PELI2: variants seen among roughly 807,000 people sequenced by gnomAD.
PELI2 encodes pellino E3 ubiquitin protein ligase family member 2, also known as E3 ubiquitin-protein ligase pellino homolog 2.
PELI2 carries 23 observed loss-of-function variants against 42.3 expected under a neutral mutation model. That is an observed-to-expected ratio of 0.54 (90% CI 0.39 to 0.77). PELI2 has a LOEUF of 0.77. PELI2 is among the 30% of genes least tolerant of loss of function. PELI2 has a pLI of 0.00. For synonymous variants in PELI2, 245 were observed against 212.2 expected, an observed-to-expected ratio of 1.15 and a Z score of -1.34; for missense variants, 463 against 553.2, an observed-to-expected ratio of 0.84 and a Z score of 1.64.
At chr14:56,161,733 T>A (rs1164871726) in intron 1 of PELI2, among the ~76,000 whole-genome samples, 1 of 152,068 alleles carries the variant, frequency 6.6e-6, no homozygotes, top group Non-Finnish European at 1.5e-5. Flanking sequence ...CATATATATA[T>A]ATTTTTTTTC....
chr14:56,204,530 T>C (rs1886446371), intron 2 of PELI2, among the ~76,000 whole-genome samples: 1 of 152,128 alleles, frequency 6.6e-6, no homozygotes, highest in African/African-American at 2.4e-5. Flanking sequence ...GTTTGCGGTA[T>C]GATGAATTTG....
chr14:56,160,007 C>G (rs1884700554), intron 1 of PELI2, among the ~76,000 whole-genome samples: 1 of 147,810 alleles, frequency 6.8e-6, no homozygotes, highest in Non-Finnish European at 1.5e-5. Flanking sequence ...TAAACAGTTT[C>G]TTTGTTTTTT....
rs775444419 is a variant in PELI2 at position 56,118,747 on chromosome 14, G to A, written c.77+10G>A. 1 of 1,488,734 alleles carries A rather than the reference G, an allele frequency of 6.7e-7. No homozygotes were observed. Among genetic ancestry groups the A allele is most frequent in the African/African-American group, 1.4e-5 (1 of 69,258 alleles). The allele number at this position is 1,488,734 out of a possible 1,614,324, so 92.2% of individuals were successfully genotyped here. On this transcript the variant is annotated intron_variant, in intron 1 of 5. Transcript: ENST00000267460. ...AGCTGGTGGTGCTCGGGTGAGTCCTGGGGTCCCTGGTCCCGGGCAGCGGCG... is the reference window on the plus strand; with the variant it reads ...AGCTGGTGGTGCTCGGGTGAGTCCTAGGGTCCCTGGTCCCGGGCAGCGGCG...
intron 3 of PELI2, among the ~76,000 whole-genome samples, chr14:56,280,316 C>T (rs1889437336): frequency 6.6e-6 from 1 of 151,738 alleles, no homozygotes; most frequent in Admixed American, 6.6e-5. Flanking sequence ...TAAGAAAGTA[C>T]AGGATGGGTT....
intron 2 of PELI2, among the ~76,000 whole-genome samples, chr14:56,276,894 C>T (rs1461401724): frequency 1.3e-5 from 2 of 152,222 alleles, no homozygotes; most frequent in African/African-American, 4.8e-5. Flanking sequence ...AAGCATCCTA[C>T]ATCAGTGTTT....
At chr14:56,199,960 G>A (rs1886273976) in intron 2 of PELI2, among the ~76,000 whole-genome samples, 1 of 152,188 alleles carries the variant, frequency 6.6e-6, no homozygotes. Flanking sequence ...GGATGGCAAC[G>A]CTAGGTGTAT....
intron 2 of PELI2, among the ~76,000 whole-genome samples, chr14:56,191,690 A>G (rs12878923): frequency 0.39 from 59,757 of 152,142 alleles, 12,787 homozygotes; most frequent in South Asian, 0.54. Flanking sequence ...AAATTCCTCT[A>G]GTGAAGTTGC....
intron 1 of PELI2, among the ~76,000 whole-genome samples, chr14:56,130,398 C>G (rs1257154642): frequency 1.3e-5 from 2 of 151,968 alleles, no homozygotes; most frequent in African/African-American, 4.8e-5. Flanking sequence ...TTGTTCAATC[C>G]TGCCTTTACT....
At chr14:56,175,221 C>G (rs1271081583) in intron 1 of PELI2, among the ~76,000 whole-genome samples, 1 of 152,116 alleles carries the variant, frequency 6.6e-6, no homozygotes, top group Non-Finnish European at 1.5e-5. Context: ...GTCTCGAACT[C>G]CTGGGCTCAA....
At chr14:56,234,609 G>C (rs956898191) in intron 2 of PELI2, among the ~76,000 whole-genome samples, 1 of 152,142 alleles carries the variant, frequency 6.6e-6, no homozygotes, top group African/African-American at 2.4e-5. Flanking sequence ...GGTGGGTTGT[G>C]GGGAGGGGTG....
At chr14:56,168,123 G>A (rs1333586607) in intron 1 of PELI2, among the ~76,000 whole-genome samples, 2 of 152,210 alleles carry the variant, frequency 1.3e-5, no homozygotes, top group African/African-American at 4.8e-5. Context: ...CAGACCTGGA[G>A]CCAGCACAGC....
chr14:56,282,448 T>TA (rs981649585), intron 3 of PELI2, among the ~76,000 whole-genome samples: 3 of 152,200 alleles, frequency 2.0e-5, no homozygotes, highest in African/African-American at 4.8e-5. Context: ...TTATATGCAT[T>TA]AAAAAATCTC....
intron 3 of PELI2, among the ~76,000 whole-genome samples, chr14:56,287,554 T>C (rs1594716895): frequency 6.6e-6 from 1 of 152,330 alleles, no homozygotes; most frequent in East Asian, 1.9e-4. Context: ...CTGAAATGCA[T>C]ATATCTAGGC....
intron 3 of PELI2, among the ~76,000 whole-genome samples, chr14:56,283,534 C>T (rs1889549602): frequency 6.6e-6 from 1 of 152,160 alleles, no homozygotes; most frequent in Non-Finnish European, 1.5e-5. Context: ...TACCTAGACC[C>T]CATGGCAGGG....
chr14:56,148,199 T>G (rs1884204770), intron 1 of PELI2, among the ~76,000 whole-genome samples: 1 of 152,182 alleles, frequency 6.6e-6, no homozygotes, highest in South Asian at 2.1e-4. Flanking sequence ...CTTCCTTATG[T>G]CCAATCTGAC....
chr14:56,249,248 G>A (rs1045215650), intron 2 of PELI2, among the ~76,000 whole-genome samples: 4 of 56,974 alleles, frequency 7.0e-5, no homozygotes, highest in African/African-American at 1.6e-4. Flanking sequence ...GGCAGGGATA[G>A]GGGTGGGAGA....
intron 2 of PELI2, among the ~76,000 whole-genome samples, chr14:56,248,244 C>T (rs987022263): frequency 2.0e-5 from 3 of 152,032 alleles, no homozygotes; most frequent in South Asian, 2.1e-4. Flanking sequence ...TCATATGAGC[C>T]GACCAAATAT....
rs562104482 is a variant in PELI2 at position 56,298,273 on chromosome 14, A to C, written c.*1107A>C. ...TAAGTGGGATGATTAGATATACACA[A>C]CACCAAGTGGTACATCTGCAGAGAT... On this transcript the variant is annotated 3_prime_UTR_variant, in exon 6 of 6. Transcript: ENST00000267460. 1 of 152,752 alleles carries C rather than the reference A, an allele frequency of 6.5e-6. No homozygotes were observed. The highest frequency in any genetic ancestry group is 1.9e-4 in the East Asian group (1 of 5,178). The allele number at this position is 152,752 out of a possible 1,614,324, so 9.5% of individuals were successfully genotyped here. A position where few individuals can be genotyped will look rare whatever the true frequency, so the allele number is the denominator to read the frequency against.
chr14:56,202,714 G>A (rs1254111510), intron 2 of PELI2, among the ~76,000 whole-genome samples: 2 of 152,130 alleles, frequency 1.3e-5, no homozygotes, highest in South Asian at 2.1e-4. Context: ...CTGGGGATGC[G>A]TCTCCTGATG....
Sources: gnomAD v4.1 joint callset for allele counts (sites outside exome capture counted in the v4.1 genomes callset) on GRCh38, gnomAD v4.1.1 for gene constraint, MANE v1.5 for transcripts, NCBI Gene and HGNC (gene_info 2026-07-23, HGNC 2026-07-21) for gene names.